CDH5: variants seen among roughly 807,000 people sequenced by gnomAD.
The protein encoded by CDH5 is cadherin 5, also known as cadherin-5.
In CDH5, 28 loss-of-function variants were observed where a neutral mutation model predicts 62.0. The observed-to-expected ratio is 0.45, with a 90% confidence interval of 0.33 to 0.62. The LOEUF is 0.62. Ranked by LOEUF, CDH5 falls within the 20% of genes least tolerant of loss-of-function variation. The pLI is 0.02. For synonymous variants in CDH5, 464 were observed against 445.8 expected (o/e 1.04, Z -0.52); for missense variants, 940 against 1,065.1 (o/e 0.88, Z 1.63).
Position 66,403,721 on chromosome 16 carries a change from A to C in CDH5, c.*552A>C. 3 of 157,032 alleles carry C rather than the reference A, an allele frequency of 1.9e-5. No individual in the cohort carries two copies. The highest frequency in any genetic ancestry group is 4.2e-5 in the Non-Finnish European group (3 of 71,418). The allele number at this position is 157,032 out of a possible 1,614,324, so 9.7% of individuals were successfully genotyped here. Reference sequence around the variant, plus strand: ...CATACTCCACTCCAAGTGCCCCACCACTCCCCAACCCCTCTCCAGGCCTGT... The same window carrying C: ...CATACTCCACTCCAAGTGCCCCACCCCTCCCCAACCCCTCTCCAGGCCTGT... On this transcript the variant is annotated 3_prime_UTR_variant, in exon 12 of 12. Transcript: ENST00000341529. This position sits in a 1 kb window ranked among gnomAD's most constrained non-coding sequence, Gnocchi z 4.3.
At position 66,402,640 on chromosome 16, in the gene CDH5, C is replaced by G; in HGVS notation, c.1838-12C>G. ...CCTTGTCTGACTCTGCTGCTCGGCT[C>G]CCTGGCTGCAGTGATCACCCTGCTC... On this transcript the variant is annotated splice_polypyrimidine_tract_variant and intron_variant, in intron 11 of 11. Coordinates refer to ENST00000341529, the MANE Select transcript of CDH5 (RefSeq NM_001795.5). The G allele has an allele frequency of 6.4e-7, 1 of 1,560,628 alleles. No homozygotes were observed. Among genetic ancestry groups the G allele is most frequent in the Non-Finnish European group, 8.7e-7 (1 of 1,155,914 alleles).
At chr16:66,387,233 T>A in intron 3 of CDH5, 136 bp downstream of exon 3, 1 of 785,666 alleles carries the variant, frequency 1.3e-6, no homozygotes, top group Non-Finnish European at 2.0e-6. Context: ...GTGTTGCCAC[T>A]TTACATGATT....
chr16:66,398,526 A>C lies in CDH5; in HGVS notation c.1556A>C (p.Asn519Thr). The change falls in exon 10 of 12, where the codon AAT becomes ACT. Residue 519 changes from asparagine to threonine, a missense_variant. Asn to Thr is a moderately conservative substitution (Grantham distance 65). Transcript: ENST00000341529. ...AACGTGAAGTTCAAATTCATCTTGA[A>C]TACTGAGAACAACTTTACCCTCACG... Reference protein sequence around the residue: ...PRNVKFKFILNTENNFTLTDN... With the variant: ...PRNVKFKFILTTENNFTLTDN... 8 of 1,598,276 alleles carry C rather than the reference A, an allele frequency of 5.0e-6. No individual in the cohort carries two copies. The highest frequency in any genetic ancestry group is 6.9e-6 in the Non-Finnish European group (8 of 1,165,430).
chr16:66,403,091 C>A lies in CDH5; in HGVS notation c.2277C>A (p.Phe759Leu). Residue 759 changes from phenylalanine to leucine, a missense_variant, in exon 12 of 12, where the codon TTC (phenylalanine) becomes TTA (leucine). Physicochemically the swap from Phe to Leu is conservative, Grantham distance 22. Transcript: ENST00000341529. This position sits in a 1 kb window ranked among gnomAD's most constrained non-coding sequence, Gnocchi z 4.3. ...CCGACTCTGACGTGGATTACGACTT[C>A]CTTAACGACTGGGGACCCAGGTTTA... Reference protein sequence around the residue: ...DSSDSDVDYDFLNDWGPRFKM... With the variant: ...DSSDSDVDYDLLNDWGPRFKM... The A allele has an allele frequency of 1.2e-6, 2 of 1,613,800 alleles. No individual in the cohort carries two copies. Among genetic ancestry groups the A allele is most frequent in the East Asian group, 4.5e-5 (2 of 44,864 alleles).
Position 66,400,968 on chromosome 16 carries a change from A to G in CDH5, c.1789A>G (p.Ser597Gly), listed in dbSNP as rs757169932. ...CEDMAAQVGV[S>G]IQAVVAILLC... ...GGATATGGCCGCCCAGGTGGGCGTG[A>G]GCATCCAGGCAGTGGTAGCCATCTT... The change falls in exon 11 of 12, where the codon AGC (serine) becomes GGC (glycine). Residue 597 changes from serine (S) to glycine (G), a missense_variant. Ser to Gly is a moderately conservative substitution (Grantham distance 56). Coordinates refer to ENST00000341529, the MANE Select transcript of CDH5 (RefSeq NM_001795.5). The G allele has an allele frequency of 6.2e-7, 1 of 1,614,114 alleles. No individual in the cohort carries two copies. The highest frequency in any genetic ancestry group is 1.1e-5 in the South Asian group (1 of 91,088).
chr16:66,403,292 G>A lies in CDH5; in HGVS notation c.*123G>A, dbSNP rs1336972970. 1 of 839,834 alleles carries A rather than the reference G, an allele frequency of 1.2e-6. No homozygotes were observed. Among genetic ancestry groups the A allele is most frequent in the Admixed American group, 2.7e-5 (1 of 37,060 alleles). The allele number at this position is 839,834 out of a possible 1,614,324, so 52.0% of individuals were successfully genotyped here. ...CCAGCCCAGCACCCCTTCCTCGTGG[G>A]TCCCAGAGACCTCATCAGCCTTGGG... On this transcript the variant is annotated 3_prime_UTR_variant, in exon 12 of 12. Transcript: ENST00000341529. The surrounding 1 kb of genome is among the most constrained non-coding windows in gnomAD (Gnocchi z 4.3).
chr16:66,379,396 T>TGGCAGCAGTGGC lies in CDH5; in HGVS notation c.60_71dup (p.Val23_Ala26dup). The TGGCAGCAGTGGC allele has an allele frequency of 6.2e-7, 1 of 1,613,718 alleles. No homozygotes were observed. The highest frequency in any genetic ancestry group is 8.5e-7 in the Non-Finnish European group (1 of 1,179,880). On this transcript the variant is annotated inframe_insertion, in exon 2 of 12. Coordinates refer to ENST00000341529, the MANE Select transcript of CDH5 (RefSeq NM_001795.5). ...GGCGCCTGCCTGGGCCTGCTGGCAG[T>TGGCAGCAGTGGC]GGCAGCAGTGGCAGCAGCAGGTGCT...
At chr16:66,366,988 G>A (rs539513410) in intron 1 of CDH5, among the ~76,000 whole-genome samples, 1 of 152,356 alleles carries the variant, frequency 6.6e-6, no homozygotes, top group Non-Finnish European at 1.5e-5. Flanking sequence ...GAGGGGGGCA[G>A]GGCAAGGGCT....
intron 5 of CDH5, 53 bp downstream of exon 5, chr16:66,389,575 A>C: frequency 7.1e-7 from 1 of 1,415,768 alleles, no homozygotes; most frequent in African/African-American, 1.4e-5. Context: ...CCCCAGACTC[A>C]GTGACTTGGG....
Position 66,398,224 on chromosome 16 carries a change from A to C in CDH5, c.1485+118A>C, listed in dbSNP as rs1961221312. 16 of 1,213,222 alleles carry C rather than the reference A, an allele frequency of 1.3e-5. No individual in the cohort carries two copies. In the South Asian group the frequency reaches 2.1e-4, roughly 16 times the overall value. 75.2% of individuals were successfully genotyped at this position (1,213,222 alleles called of 1,614,324 possible). On this transcript the variant is annotated intron_variant, in intron 9 of 11. Transcript: ENST00000341529. ...GTACAATAGCCTTGAGGAAAATAAC[A>C]TTATGCCCATTTTACAGATGGAGAA...
At chr16:66,377,229 AG>A (rs2070453789) in intron 1 of CDH5, 1 of 152,280 alleles carries the variant, frequency 6.6e-6, no homozygotes, top group South Asian at 2.1e-4. Context: ...TTCTTCTCCA[AG>A]CCTTTCCTCA....
Position 66,396,077 on chromosome 16 carries a change from C to G in CDH5, c.1236C>G (p.Thr412=). 1 of 1,613,886 alleles carries G rather than the reference C, an allele frequency of 6.2e-7. No individual in the cohort carries two copies. The highest frequency in any genetic ancestry group is 1.3e-5 in the African/African-American group (1 of 75,012). The change falls in exon 8 of 12, where the codon ACC becomes ACG. Residue 412 remains threonine, a synonymous_variant. Transcript: ENST00000341529. ...TGGGCAGATACTCCATCCGCAGGAC[C>G]AGTGACAAGGGCCAGTTCTTCCGAG... ...RHSIGYSIRR[T]SDKGQFFRVT...
chr16:66,376,413 C>G (rs1162272433), intron 1 of CDH5: 1 of 152,182 alleles, frequency 6.6e-6, no homozygotes, highest in African/African-American at 2.4e-5. Context: ...ACTAACCCAT[C>G]CCAATAGGCC....
At chr16:66,401,056 G>A (rs1467063108) in intron 11 of CDH5, 40 bp downstream of exon 11, 3 of 1,612,298 alleles carry the variant, frequency 1.9e-6, no homozygotes, top group Non-Finnish European at 2.5e-6. Flanking sequence ...ACAGTGGGTG[G>A]AAGGGGATGG....
At chr16:66,386,754 C>A in intron 2 of CDH5, 55 bp from the exon 3 acceptor site, 1 of 1,485,328 alleles carries the variant, frequency 6.7e-7, no homozygotes, top group Non-Finnish European at 9.1e-7. Flanking sequence ...CACTCACACA[C>A]TCACACACAG....
At chr16:66,384,467 T>C (rs1049965386) in intron 2 of CDH5, among the ~76,000 whole-genome samples, 1 of 151,676 alleles carries the variant, frequency 6.6e-6, no homozygotes, top group Admixed American at 6.6e-5. Context: ...CTTTAAATAA[T>C]GTGAGGCAGA....
intron 1 of CDH5, among the ~76,000 whole-genome samples, chr16:66,370,387 C>A (rs893058926): frequency 5.9e-5 from 9 of 152,158 alleles, no homozygotes; most frequent in Admixed American, 5.9e-4. Context: ...GGCAGCCTAT[C>A]CCATGAGCCA....
At chr16:66,383,748 C>T (rs965717126) in intron 2 of CDH5, among the ~76,000 whole-genome samples, 3 of 152,166 alleles carry the variant, frequency 2.0e-5, no homozygotes, top group Non-Finnish European at 4.4e-5. Flanking sequence ...CTTAGTACCT[C>T]CTCATGAACC....
chr16:66,392,764 C>T (rs775365314), intron 7 of CDH5: 11 of 215,444 alleles, frequency 5.1e-5, no homozygotes, highest in Admixed American at 5.2e-5. Flanking sequence ...TTCCCCAAAC[C>T]ACAAAAGTAA....
Sources: allele counts gnomAD v4.1 joint callset (sites outside exome capture counted in the v4.1 genomes callset), GRCh38; gene constraint gnomAD v4.1.1; non-coding constraint Gnocchi (gnomAD v3.1); transcripts MANE v1.5; gene names NCBI Gene and HGNC (gene_info 2026-07-23, HGNC 2026-07-21).